Variants in ADRA2A observed in about 807,000 individuals in gnomAD.
ADRA2A encodes alpha-2A adrenergic receptor.
A neutral mutation model predicts 5.9 loss-of-function variants in ADRA2A; 6 were observed. That is an observed-to-expected ratio of 1.01 (90% CI 0.55 to 2.00). The LOEUF (loss-of-function observed/expected upper bound fraction) is 2.00. Among genes scored for constraint, ADRA2A ranks in the 30% most tolerant of loss-of-function variants. The pLI is 0.00. For synonymous variants in ADRA2A, 345 were observed against 325.9 expected, an observed-to-expected ratio of 1.06 and a Z score of -0.63; for missense variants, 647 against 690.0, an observed-to-expected ratio of 0.94 and a Z score of 0.70.
At position 111,078,322 on chromosome 10, in the gene ADRA2A, A is replaced by G; in HGVS notation, c.326A>G (p.Glu109Gly). 6.2e-7 allele frequency: 1 copy of G among 1,613,806 alleles called. No homozygotes were observed. The highest frequency in any genetic ancestry group is 8.5e-7 in the Non-Finnish European group (1 of 1,179,976). Reference sequence around the variant, plus strand: ...GTCATCCCTTTCTCGCTGGCCAACGAGGTCATGGGCTACTGGTACTTCGGC... The same window carrying G: ...GTCATCCCTTTCTCGCTGGCCAACGGGGTCATGGGCTACTGGTACTTCGGC... ...TLVIPFSLAN[E>G]VMGYWYFGKA... Residue 109 changes from glutamate (E) to glycine (G), a missense_variant, in exon 1 of 1, where the codon GAG (glutamate) becomes GGG (glycine). This residue lies in a region of ADRA2A where 577 missense variants were observed against 605.4 expected (regional missense o/e 0.95). Coordinates refer to ENST00000280155, the MANE Select transcript of ADRA2A (RefSeq NM_000681.4).
chr10:111,079,439 C>CG lies in ADRA2A; in HGVS notation c.*51dup, dbSNP rs747221093. ...GTAGACTCACGCTGACTGCAGGCAG[C>CG]GGGGGGCATCGAGGGGTGCTTAGCC... is the stretch of plus-strand genomic sequence containing the variant. On this transcript the variant is annotated 3_prime_UTR_variant, in exon 1 of 1. Transcript: ENST00000280155. The CG allele has an allele frequency of 6.3e-6, 10 of 1,594,460 alleles. No homozygotes were observed. The highest frequency in any genetic ancestry group is 2.2e-5 in the East Asian group (1 of 44,674).
chr10:111,078,571 G>A lies in ADRA2A; in HGVS notation c.575G>A (p.Gly192Asp), dbSNP rs561690973. 1 of 1,601,698 alleles carries A rather than the reference G, an allele frequency of 6.2e-7. No individual in the cohort carries two copies. The highest frequency in any genetic ancestry group is 1.3e-5 in the African/African-American group (1 of 74,658). The change falls in exon 1 of 1, where the codon GGC becomes GAC. Residue 192 changes from glycine (G) to aspartate (D), a missense_variant. Transcript: ENST00000280155. Reference protein sequence around the residue: ...PPLISIEKKGGGGGPQPAEPR... With the variant: ...PPLISIEKKGDGGGPQPAEPR... ...CTCATCTCCATCGAGAAGAAGGGCG[G>A]CGGCGGCGGCCCGCAGCCGGCCGAG...
In ADRA2A at chr10:111,079,009, C is replaced by A. The variant is rs1843568189; in HGVS notation, c.1013C>A (p.Ala338Glu). The change falls in exon 1 of 1, where the codon GCG becomes GAG. Residue 338 changes from alanine (A) to glutamate (E), a missense_variant. This residue lies in a region of ADRA2A where 577 missense variants were observed against 605.4 expected (regional missense o/e 0.95). Coordinates refer to ENST00000280155, the MANE Select transcript of ADRA2A (RefSeq NM_000681.4). Reference protein sequence around the residue: ...RGPRGKGKARASQVKPGDSLP... With the variant: ...RGPRGKGKARESQVKPGDSLP... ...CCCCGGGGCAAAGGCAAGGCCCGAGCGAGCCAGGTGAAGCCGGGCGACAGC... is the reference window on the plus strand; with the variant it reads ...CCCCGGGGCAAAGGCAAGGCCCGAGAGAGCCAGGTGAAGCCGGGCGACAGC... 8.8e-6 allele frequency: 11 copies of A among 1,249,908 alleles called. No individual in the cohort carries two copies. Among genetic ancestry groups the A allele is most frequent in the East Asian group, 3.4e-5 (1 of 29,318 alleles). 77.4% of individuals were successfully genotyped at this position (1,249,908 alleles called of 1,614,324 possible).
In ADRA2A at chr10:111,078,154, G is replaced by A. The variant is rs1843553558; in HGVS notation, c.158G>A (p.Cys53Tyr). 2 of 1,608,402 alleles carry A rather than the reference G, an allele frequency of 1.2e-6. No homozygotes were observed. Among genetic ancestry groups the A allele is most frequent in the African/African-American group, 1.3e-5 (1 of 74,884 alleles). Reference protein sequence around the residue: ...YSLQVTLTLVCLAGLLMLLTV... With the variant: ...YSLQVTLTLVYLAGLLMLLTV... ...CTGCAGGTGACGCTGACGCTGGTGT[G>A]CCTGGCCGGCCTGCTCATGCTGCTC... Residue 53 changes from cysteine to tyrosine, a missense_variant, in exon 1 of 1, where the codon TGC (cysteine) becomes TAC (tyrosine). Physicochemically the swap from Cys to Tyr is radical, Grantham distance 194. Coordinates refer to ENST00000280155, the MANE Select transcript of ADRA2A (RefSeq NM_000681.4).
Position 111,078,003 on chromosome 10 carries a change from C to T in ADRA2A, c.7C>T (p.Arg3Cys), listed in dbSNP as rs201376588. 45 of 1,408,134 alleles carry T rather than the reference C, an allele frequency of 3.2e-5. No homozygotes were observed. The East Asian group carries it at 1.2e-3, about 36-fold the overall frequency. 87.2% of individuals were successfully genotyped at this position (1,408,134 alleles called of 1,614,324 possible). The change falls in exon 1 of 1, where the codon CGC (arginine) becomes TGC (cysteine). Residue 3 changes from arginine (R) to cysteine (C), a missense_variant. By Grantham distance (180) the Arg-to-Cys change is radical. Coordinates refer to ENST00000280155, the MANE Select transcript of ADRA2A (RefSeq NM_000681.4). MF[R>C]QEQPLAEGSF... The stretch of plus-strand genomic sequence containing the variant: ...CCAGCGGGCGCCCGCGTTCATGTTC[C>T]GCCAGGAGCAGCCGTTGGCCGAGGG...
rs754805284 is a variant in ADRA2A at position 111,078,583 on chromosome 10, C to T, written c.587C>T (p.Pro196Leu). 11 of 1,595,540 alleles carry T rather than the reference C, an allele frequency of 6.9e-6. No individual in the cohort carries two copies. The highest frequency in any genetic ancestry group is 1.1e-5 in the South Asian group (1 of 89,574). The change falls in exon 1 of 1, where the codon CCG becomes CTG. Residue 196 changes from proline to leucine, a missense_variant. Pro to Leu is a moderately conservative substitution (Grantham distance 98). Coordinates refer to ENST00000280155, the MANE Select transcript of ADRA2A (RefSeq NM_000681.4). The stretch of plus-strand genomic sequence containing the variant: ...GAGAAGAAGGGCGGCGGCGGCGGCC[C>T]GCAGCCGGCCGAGCCGCGCTGCGAG... ...SIEKKGGGGG[P>L]QPAEPRCEIN...
In ADRA2A at chr10:111,078,221, G is replaced by T. The variant is rs12416313; in HGVS notation, c.225G>T (p.Thr75=). ...TGCTCGTCATCATCGCCGTGTTCAC[G>T]AGCCGCGCGCTCAAGGCGCCCCAAA... The part of the protein sequence containing the change: ...GNVLVIIAVF[T]SRALKAPQNL... The change falls in exon 1 of 1, where the codon ACG becomes ACT. Residue 75 remains threonine, a synonymous_variant. Coordinates refer to ENST00000280155, the MANE Select transcript of ADRA2A (RefSeq NM_000681.4). 1 of 1,613,420 alleles carries T rather than the reference G, an allele frequency of 6.2e-7. No homozygotes were observed. Among genetic ancestry groups the T allele is most frequent in the Non-Finnish European group, 8.5e-7 (1 of 1,179,978 alleles).
chr10:111,079,668 A>G lies in ADRA2A; in HGVS notation c.*274A>G. The G allele has an allele frequency of 1.8e-6, 1 of 561,966 alleles. No individual in the cohort carries two copies. Among genetic ancestry groups the G allele is most frequent in the East Asian group, 3.0e-5 (1 of 33,222 alleles). 34.8% of individuals were successfully genotyped at this position (561,966 alleles called of 1,614,324 possible). The stretch of plus-strand genomic sequence containing the variant: ...CCACCCCTAATCACTATTGCTTCCT[A>G]AAGGTATTTTCACCCTCTTCGCCTG... On this transcript the variant is annotated 3_prime_UTR_variant, in exon 1 of 1. Transcript: ENST00000280155.
rs990898779 is a variant in ADRA2A, at chr10:111,078,825, G to A, written c.829G>A (p.Gly277Arg). Residue 277 changes from glycine to arginine, a missense_variant, in exon 1 of 1, where the codon GGG becomes AGG. Physicochemically the swap from Gly to Arg is moderately radical, Grantham distance 125. This residue lies in a region of ADRA2A where 577 missense variants were observed against 605.4 expected (regional missense o/e 0.95). Transcript: ENST00000280155. ...GLGPERSAGP[G>R]GAEAEPLPTQ... ...GGGCCCCGAGCGCAGCGCGGGCCCG[G>A]GGGGCGCAGAGGCCGAACCGCTGCC... 15 of 1,228,794 alleles carry A rather than the reference G, an allele frequency of 1.2e-5. No individual in the cohort carries two copies. The highest frequency in any genetic ancestry group is 3.2e-5 in the African/African-American group (2 of 62,470). The allele number at this position is 1,228,794 out of a possible 1,614,324, so 76.1% of individuals were successfully genotyped here.
Position 111,080,011 on chromosome 10 carries a change from A to G in ADRA2A, c.*617A>G, listed in dbSNP as rs1039802930. The G allele has an allele frequency of 6.0e-6, 1 of 167,206 alleles. No homozygotes were observed. The highest frequency in any genetic ancestry group is 2.4e-5 in the African/African-American group (1 of 41,488). The allele number at this position is 167,206 out of a possible 1,614,324, so 10.4% of individuals were successfully genotyped here. The stretch of plus-strand genomic sequence containing the variant: ...TTCAGGCCAAGCCCCTTTGCAATGC[A>G]AGCCCTTTCTGGTGTTATGAAGTCC... On this transcript the variant is annotated 3_prime_UTR_variant, in exon 1 of 1. Coordinates refer to ENST00000280155, the MANE Select transcript of ADRA2A (RefSeq NM_000681.4).
In ADRA2A at chr10:111,078,146, G is replaced by T; in HGVS notation, c.150G>T (p.Thr50=). ...ATPYSLQVTL[T]LVCLAGLLML... ...CTTACTCCCTGCAGGTGACGCTGACGCTGGTGTGCCTGGCCGGCCTGCTCA... is the reference window on the plus strand; with the variant it reads ...CTTACTCCCTGCAGGTGACGCTGACTCTGGTGTGCCTGGCCGGCCTGCTCA... Residue 50 remains threonine, a synonymous_variant, in exon 1 of 1, where the codon ACG becomes ACT. Transcript: ENST00000280155. The T allele has an allele frequency of 1.2e-6, 2 of 1,606,804 alleles. No homozygotes were observed. Among genetic ancestry groups the T allele is most frequent in the East Asian group, 4.5e-5 (2 of 44,638 alleles).
Position 111,080,337 on chromosome 10 carries a change from A to G in ADRA2A, c.*943A>G, listed in dbSNP as rs943985732. ...TCCCTCCAGGGCCACTGCTTGAAGA[A>G]GAATATGTATGTTTCTATCTTGTAT... On this transcript the variant is annotated 3_prime_UTR_variant, in exon 1 of 1. Coordinates refer to ENST00000280155, the MANE Select transcript of ADRA2A (RefSeq NM_000681.4). 2.4e-5 allele frequency: 4 copies of G among 166,810 alleles called. No individual in the cohort carries two copies. The highest frequency in any genetic ancestry group is 7.2e-5 in the African/African-American group (3 of 41,386). The allele number at this position is 166,810 out of a possible 1,614,324, so 10.3% of individuals were successfully genotyped here. A position where few individuals can be genotyped will look rare whatever the true frequency, so the allele number is the denominator to read the frequency against.
At position 111,079,407 on chromosome 10, in the gene ADRA2A, C is replaced by G. The variant is rs1429902547; in HGVS notation, c.*13C>G. 5.0e-6 allele frequency: 8 copies of G among 1,612,876 alleles called. No homozygotes were observed. The highest frequency in any genetic ancestry group is 1.7e-4 in the Middle Eastern group (1 of 6,042). On this transcript the variant is annotated 3_prime_UTR_variant, in exon 1 of 1. Transcript: ENST00000280155. Reference sequence around the variant, plus strand: ...GCGGATCGTGTGAGGTTTCCGCTGGCGCCCGCGTAGACTCACGCTGACTGC... The same window carrying G: ...GCGGATCGTGTGAGGTTTCCGCTGGGGCCCGCGTAGACTCACGCTGACTGC...
In ADRA2A at chr10:111,078,557, C is replaced by G. The variant is rs770163758; in HGVS notation, c.561C>G (p.Ile187Met). ...TCTCCTTCCCGCCGCTCATCTCCAT[C>G]GAGAAGAAGGGCGGCGGCGGCGGCC... is the stretch of plus-strand genomic sequence containing the variant. ...AVISFPPLIS[I>M]EKKGGGGGPQ... The change falls in exon 1 of 1, where the codon ATC becomes ATG. Residue 187 changes from isoleucine (I) to methionine (M), a missense_variant. Physicochemically the swap from Ile to Met is conservative, Grantham distance 10 (BLOSUM62 1). Around this residue, in one of 3 missense-constraint regions of ADRA2A, gnomAD observed 577 missense variants for 605.4 expected, o/e 0.95. Coordinates refer to ENST00000280155, the MANE Select transcript of ADRA2A (RefSeq NM_000681.4). 6.2e-7 allele frequency: 1 copy of G among 1,609,236 alleles called. No homozygotes were observed. Among genetic ancestry groups the G allele is most frequent in the South Asian group, 1.1e-5 (1 of 90,796 alleles).
In ADRA2A at chr10:111,078,526, C is replaced by G; in HGVS notation, c.530C>G (p.Ala177Gly). The change falls in exon 1 of 1, where the codon GCC becomes GGC. Residue 177 changes from alanine to glycine, a missense_variant. By Grantham distance (60) the Ala-to-Gly change is moderately conservative. This residue lies in a region of ADRA2A where 577 missense variants were observed against 605.4 expected (regional missense o/e 0.95). Coordinates refer to ENST00000280155, the MANE Select transcript of ADRA2A (RefSeq NM_000681.4). ...AIIITVWVIS[A>G]VISFPPLISI... Reference sequence around the variant, plus strand: ...ATCATCACCGTGTGGGTCATCTCGGCCGTCATCTCCTTCCCGCCGCTCATC... The same window carrying G: ...ATCATCACCGTGTGGGTCATCTCGGGCGTCATCTCCTTCCCGCCGCTCATC... The G allele has an allele frequency of 6.2e-7, 1 of 1,610,086 alleles. No homozygotes were observed. Among genetic ancestry groups the G allele is most frequent in the Non-Finnish European group, 8.5e-7 (1 of 1,177,480 alleles).
Position 111,078,459 on chromosome 10 carries a change from G to C in ADRA2A, c.463G>C (p.Glu155Gln). 6.2e-7 allele frequency: 1 copy of C among 1,613,770 alleles called. No individual in the cohort carries two copies. Among genetic ancestry groups the C allele is most frequent in the African/African-American group, 1.3e-5 (1 of 75,054 alleles). ...CTACTGGTCCATCACACAGGCCATC[G>C]AGTACAACCTGAAGCGCACGCCGCG... Reference protein sequence around the residue: ...DRYWSITQAIEYNLKRTPRRI... With the variant: ...DRYWSITQAIQYNLKRTPRRI... Residue 155 changes from glutamate to glutamine, a missense_variant, in exon 1 of 1, where the codon GAG becomes CAG. Glu to Gln is a conservative substitution (Grantham distance 29, BLOSUM62 2). This residue lies in a region of ADRA2A where 577 missense variants were observed against 605.4 expected (regional missense o/e 0.95). Coordinates refer to ENST00000280155, the MANE Select transcript of ADRA2A (RefSeq NM_000681.4).
At position 111,079,151 on chromosome 10, in the gene ADRA2A, G is replaced by A. The variant is rs201475397; in HGVS notation, c.1155G>A (p.Lys385=). The change falls in exon 1 of 1, where the codon AAG becomes AAA. Residue 385 remains lysine, a synonymous_variant. Transcript: ENST00000280155. ...GGCGCGGGCGGCAGAACCGCGAGAA[G>A]CGCTTCACGTTCGTGCTGGCCGTGG... The part of the protein sequence containing the change: ...SRWRGRQNRE[K]RFTFVLAVVI... 2 of 1,609,916 alleles carry A rather than the reference G, an allele frequency of 1.2e-6. No homozygotes were observed. The highest frequency in any genetic ancestry group is 2.2e-5 in the East Asian group (1 of 44,794).
chr10:111,079,280 G>A lies in ADRA2A; in HGVS notation c.1284G>A (p.Trp428Ter). 6.2e-7 allele frequency: 1 copy of A among 1,614,118 alleles called. No homozygotes were observed. The highest frequency in any genetic ancestry group is 1.1e-5 in the South Asian group (1 of 91,084). ...VPRTLFKFFF[W>*]FGYCNSSLNP... Reference sequence around the variant, plus strand: ...GCACGCTCTTCAAATTCTTCTTCTGGTTCGGCTACTGCAACAGCTCGTTGA... The same window carrying A: ...GCACGCTCTTCAAATTCTTCTTCTGATTCGGCTACTGCAACAGCTCGTTGA... Residue 428 changes from tryptophan (W) to a stop codon, truncating the protein, a stop_gained, in exon 1 of 1, where the codon TGG becomes TGA. Transcript: ENST00000280155. LOFTEE classifies it high-confidence loss of function.
chr10:111,080,222 C>T lies in ADRA2A; in HGVS notation c.*828C>T, dbSNP rs1843580286. On this transcript the variant is annotated 3_prime_UTR_variant, in exon 1 of 1. Coordinates refer to ENST00000280155, the MANE Select transcript of ADRA2A (RefSeq NM_000681.4). Reference sequence around the variant, plus strand: ...TAAGTAAATGAGCCTTTCTGCCTCACATCAGCCCTGTGTATAAAGCCATTA... The same window carrying T: ...TAAGTAAATGAGCCTTTCTGCCTCATATCAGCCCTGTGTATAAAGCCATTA... 1 of 167,044 alleles carries T rather than the reference C, an allele frequency of 6.0e-6. No homozygotes were observed. Among genetic ancestry groups the T allele is most frequent in the Non-Finnish European group, 1.5e-5 (1 of 68,132 alleles). The allele number at this position is 167,044 out of a possible 1,614,324, so 10.3% of individuals were successfully genotyped here.
Sources: allele counts gnomAD v4.1 joint callset, GRCh38; gene constraint gnomAD v4.1.1; regional missense constraint gnomAD v4.1.1; transcripts MANE v1.5; gene names NCBI Gene and HGNC (gene_info 2026-07-23, HGNC 2026-07-21).